Variants in NCALD observed in about 807,000 individuals in gnomAD.
NCALD encodes the protein neurocalcin delta.
NCALD carries 10 observed loss-of-function variants against 18.6 expected under a neutral mutation model. That is an observed-to-expected ratio of 0.54 (90% CI 0.33 to 0.91). The LOEUF is 0.91. Among genes scored for constraint, NCALD ranks in the 40% least tolerant of loss-of-function variants. The pLI, the probability that NCALD is intolerant of heterozygous loss-of-function variation, is 0.03. For synonymous variants in NCALD, 88 were observed against 87.4 expected (o/e 1.01, Z -0.04); for missense variants, 184 against 247.6 (o/e 0.74, Z 1.72).
chr8:101,934,784 C>A (rs1818700817), intron 2 of NCALD, among the ~76,000 whole-genome samples: 1 of 152,160 alleles, frequency 6.6e-6, no homozygotes, highest in Admixed American at 6.5e-5. Context: ...AAGAACCATG[C>A]CTACTTGTCA....
chr8:101,824,718 A>G (rs1813861528), intron 4 of NCALD, among the ~76,000 whole-genome samples: 1 of 152,306 alleles, frequency 6.6e-6, no homozygotes, highest in Non-Finnish European at 1.5e-5. Flanking sequence ...TACAGGTGAT[A>G]AAACTAAAGG....
chr8:101,979,846 G>A (rs1017610116), intron 2 of NCALD, among the ~76,000 whole-genome samples: 9 of 152,228 alleles, frequency 5.9e-5, no homozygotes, highest in Middle Eastern at 3.4e-3. Context: ...GCAACTAACC[G>A]ACTTTCCCAG....
intron 1 of NCALD, among the ~76,000 whole-genome samples, chr8:102,108,809 A>G (rs911402637): frequency 6.6e-6 from 1 of 152,218 alleles, no homozygotes; most frequent in African/African-American, 2.4e-5. Context: ...TATAGTGATC[A>G]AAGTAGCTAA....
At chr8:102,065,743 C>T (rs965046239) in intron 1 of NCALD, among the ~76,000 whole-genome samples, 5 of 152,096 alleles carry the variant, frequency 3.3e-5, no homozygotes, top group African/African-American at 4.8e-5. Flanking sequence ...CTTTGGGAGG[C>T]TGGGAGGATC....
intron 2 of NCALD, among the ~76,000 whole-genome samples, chr8:101,963,502 A>T (rs1819910500): frequency 6.6e-6 from 1 of 152,168 alleles, no homozygotes. Context: ...ATCACTTTCC[A>T]CAATGAGGGA....
At chr8:102,095,827 A>G (rs1254259852) in intron 1 of NCALD, among the ~76,000 whole-genome samples, 1 of 152,242 alleles carries the variant, frequency 6.6e-6, no homozygotes, top group Non-Finnish European at 1.5e-5. Context: ...TTTCAAAGAC[A>G]ATAATTGTAA....
intron 1 of NCALD, among the ~76,000 whole-genome samples, chr8:102,080,274 C>T (rs1205373298): frequency 6.6e-6 from 1 of 152,206 alleles, no homozygotes; most frequent in African/African-American, 2.4e-5. Context: ...TTTAAACCAC[C>T]TCCAACCAAC....
intron 2 of NCALD, among the ~76,000 whole-genome samples, chr8:101,992,908 C>G (rs1276413037): frequency 6.6e-6 from 1 of 151,066 alleles, no homozygotes; most frequent in East Asian, 1.9e-4. Context: ...ATCTTTCGAA[C>G]AACCCTATAA....
At chr8:101,925,565 TTTA>T (rs1818308297) in intron 2 of NCALD, among the ~76,000 whole-genome samples, 1 of 152,290 alleles carries the variant, frequency 6.6e-6, no homozygotes, top group East Asian at 1.9e-4. Context: ...TATGTATTTA[TTTA>T]TTTATTTATG....
intron 4 of NCALD, among the ~76,000 whole-genome samples, chr8:101,801,737 G>A (rs1015906866): frequency 3.1e-5 from 4 of 127,040 alleles, no homozygotes; most frequent in Non-Finnish European, 6.3e-5. Flanking sequence ...CACTATCTCG[G>A]CTCACTGCAA....
intron 2 of NCALD, among the ~76,000 whole-genome samples, chr8:101,714,860 G>A (rs1186320168): frequency 6.0e-5 from 9 of 151,002 alleles, no homozygotes; most frequent in East Asian, 3.9e-4. Flanking sequence ...AGCCGGGCGC[G>A]GTGGCGGGCA....
intron 4 of NCALD, among the ~76,000 whole-genome samples, chr8:101,876,789 A>C (rs1040155886): frequency 3.9e-5 from 6 of 152,234 alleles, no homozygotes; most frequent in Non-Finnish European, 8.8e-5. Flanking sequence ...GCATGTTGCT[A>C]AGCAATGTTG....
intron 1 of NCALD, among the ~76,000 whole-genome samples, chr8:102,089,280 G>C (rs1012604710): frequency 6.6e-6 from 1 of 152,054 alleles, no homozygotes; most frequent in African/African-American, 2.4e-5. Context: ...TGTAATCCTA[G>C]CTACTTGGGA....
chr8:101,812,020 G>T (rs1019418830), intron 4 of NCALD, among the ~76,000 whole-genome samples: 7 of 152,164 alleles, frequency 4.6e-5, no homozygotes, highest in African/African-American at 1.7e-4. Context: ...TTCTCAGAAT[G>T]GAGTGGGATG....
At chr8:102,117,349 C>T (rs1242777546) in intron 1 of NCALD, among the ~76,000 whole-genome samples, 1 of 152,222 alleles carries the variant, frequency 6.6e-6, no homozygotes, top group African/African-American at 2.4e-5. Context: ...TGAGTCTAAT[C>T]CCTTTCCCTC....
chr8:102,074,748 T>C (rs113705679), intron 1 of NCALD, among the ~76,000 whole-genome samples: 9,247 of 152,286 alleles, frequency 0.061, 408 homozygotes, highest in Non-Finnish European at 0.092. Context: ...CAGGTTTACA[T>C]CTACTTTCTT....
intron 1 of NCALD, among the ~76,000 whole-genome samples, chr8:102,022,774 A>G (rs992816765): frequency 1.3e-5 from 2 of 152,164 alleles, no homozygotes; most frequent in African/African-American, 4.8e-5. Context: ...TTTCTGCTGG[A>G]AGAAGGTATG....
chr8:101,806,487 A>G (rs1260667443), intron 4 of NCALD, among the ~76,000 whole-genome samples: 2 of 152,176 alleles, frequency 1.3e-5, no homozygotes, highest in Non-Finnish European at 1.5e-5. Context: ...GCCTCATCAA[A>G]TAGAGAATAT....
At chr8:101,831,968 C>G (rs1034751673) in intron 4 of NCALD, among the ~76,000 whole-genome samples, 3 of 152,168 alleles carry the variant, frequency 2.0e-5, no homozygotes, top group African/African-American at 7.2e-5. Flanking sequence ...TGAAAACATT[C>G]TCCTTTGTGT....
Sources: gnomAD v4.1 joint callset for allele counts (sites outside exome capture counted in the v4.1 genomes callset) on GRCh38, gnomAD v4.1.1 for gene constraint, MANE v1.5 for transcripts, NCBI Gene and HGNC (gene_info 2026-07-23, HGNC 2026-07-21) for gene names.